The following CCDC91 variants were observed in gnomAD, a reference collection of about 807,000 sequenced individuals.
CCDC91 encodes the protein coiled-coil domain containing 91.
A neutral mutation model predicts 63.2 loss-of-function variants in CCDC91; 48 were observed. The ratio of observed to expected loss-of-function variants is 0.76; its 90% CI spans 0.60 to 0.97. CCDC91 has a LOEUF of 0.97. Among genes scored for constraint, CCDC91 ranks in the 50% least tolerant of loss-of-function variants. The pLI, the probability that CCDC91 is intolerant of heterozygous loss-of-function variation, is 0.00. For missense variants in CCDC91, 500 were observed against 494.6 expected (o/e 1.01, Z -0.10); for synonymous variants, 167 against 165.8 (o/e 1.01, Z -0.06).
Position 28,306,747 on chromosome 12 carries a change from G to T in CCDC91, c.273G>T (p.Gln91His), listed in dbSNP as rs1157566270. The T allele has an allele frequency of 6.2e-7, 1 of 1,600,216 alleles. No homozygotes were observed. Among genetic ancestry groups the T allele is most frequent in the African/African-American group, 1.3e-5 (1 of 74,146 alleles). Residue 91 changes from glutamine to histidine, a missense_variant, in exon 5 of 13, where the codon CAG becomes CAT. Physicochemically the swap from Gln to His is conservative, Grantham distance 24. Transcript: ENST00000536442. ...TTTTTTTTTATGTGGTTTAGATTCA[G>T]CAATCAACACACACTCATCTGGATA... ...VSQTIPKAQI[Q>H]QSTHTHLDIS...
intron 6 of CCDC91, among the ~76,000 whole-genome samples, chr12:28,347,308 A>G (rs1238919139): frequency 1.3e-5 from 2 of 152,198 alleles, no homozygotes; most frequent in African/African-American, 4.8e-5. Context: ...GAGACTCTTT[A>G]GAGTTGTTAA....
chr12:28,317,595 T>C (rs890746999), intron 6 of CCDC91, among the ~76,000 whole-genome samples: 2 of 152,006 alleles, frequency 1.3e-5, no homozygotes, highest in Non-Finnish European at 2.9e-5. Flanking sequence ...TTTTATTGTT[T>C]ATTTTCACCT....
chr12:28,273,320 A>T (rs1197060556), intron 3 of CCDC91, among the ~76,000 whole-genome samples: 1 of 152,188 alleles, frequency 6.6e-6, no homozygotes, highest in Non-Finnish European at 1.5e-5. Context: ...ATGTCTTTAT[A>T]GCAGCATGAT....
chr12:28,541,904 A>T (rs1942654806), intron 12 of CCDC91, among the ~76,000 whole-genome samples: 1 of 152,126 alleles, frequency 6.6e-6, no homozygotes, highest in African/African-American at 2.4e-5. Flanking sequence ...TAATATGTAA[A>T]TATAGCCTTA....
At chr12:28,338,858 T>C (rs1942203973) in intron 6 of CCDC91, among the ~76,000 whole-genome samples, 4 of 152,122 alleles carry the variant, frequency 2.6e-5, no homozygotes, top group African/African-American at 9.7e-5. Context: ...TTCTTTTTTT[T>C]GAGACGGACT....
At chr12:28,525,738 C>A (rs1254052436) in intron 12 of CCDC91, among the ~76,000 whole-genome samples, 1 of 152,038 alleles carries the variant, frequency 6.6e-6, no homozygotes, top group African/African-American at 2.4e-5. Flanking sequence ...CTGTCTATCT[C>A]ATTTCTTAGG....
chr12:28,258,311 TATC>T (rs10595541), intron 2 of CCDC91, among the ~76,000 whole-genome samples: 62,700 of 151,520 alleles, frequency 0.41, 13,226 homozygotes, highest in Middle Eastern at 0.48. Context: ...ATGTTTCAGA[TATC>T]ATCTGGCTTA....
intron 8 of CCDC91, among the ~76,000 whole-genome samples, chr12:28,401,414 C>T (rs1486890034): frequency 1.3e-5 from 2 of 152,122 alleles, no homozygotes; most frequent in African/African-American, 4.8e-5. Flanking sequence ...TAAATTACCT[C>T]CCATAAGGTA....
rs77110143 is a variant in CCDC91, at chr12:28,541,517, A to G, written c.1216-7546A>G. 9.5e-3 allele frequency among the ~76,000 whole-genome samples: 1,446 copies of G among 152,230 alleles called. 30 individuals are homozygous for G. The highest frequency in any genetic ancestry group is 0.034 in the African/African-American group (1,406 of 41,556). ...AGGAAGGATACATAGTAATTGACAG[A>G]TATTGTTCTTTAGATTGAAACAATA... On this transcript the variant is annotated intron_variant, in intron 12 of 12. Coordinates refer to ENST00000536442, the MANE Select transcript of CCDC91 (RefSeq NM_018318.5).
chr12:28,466,867 GA>G (rs1950574480), intron 11 of CCDC91, among the ~76,000 whole-genome samples: 1 of 151,996 alleles, frequency 6.6e-6, no homozygotes, highest in Non-Finnish European at 1.5e-5. Flanking sequence ...TAAGGAGAAA[GA>G]ATAAACAATG....
intron 11 of CCDC91, among the ~76,000 whole-genome samples, chr12:28,460,782 T>C (rs1950266215): frequency 6.7e-6 from 1 of 148,888 alleles, no homozygotes; most frequent in Non-Finnish European, 1.5e-5. Context: ...TATATAGATA[T>C]AAATATATCT....
intron 6 of CCDC91, among the ~76,000 whole-genome samples, chr12:28,335,534 A>G (rs1941908509): frequency 6.6e-6 from 1 of 150,402 alleles, no homozygotes. Flanking sequence ...CAGTCTCTTG[A>G]GTGGGTGGGG....
chr12:28,508,672 G>A (rs540881942), intron 12 of CCDC91, among the ~76,000 whole-genome samples: 3 of 151,976 alleles, frequency 2.0e-5, no homozygotes, highest in Non-Finnish European at 4.4e-5. Context: ...AGCTAAAAGT[G>A]TAATGAAACT....
intron 12 of CCDC91, among the ~76,000 whole-genome samples, chr12:28,519,211 C>G (rs576112747): frequency 2.0e-4 from 31 of 152,064 alleles, no homozygotes; most frequent in South Asian, 1.7e-3. Flanking sequence ...TTTGTGTAGT[C>G]TATGATTTCT....
intron 7 of CCDC91, among the ~76,000 whole-genome samples, chr12:28,374,116 T>G (rs1944796913): frequency 6.6e-6 from 1 of 152,140 alleles, no homozygotes; most frequent in Admixed American, 6.6e-5. Flanking sequence ...GAGTAGAGGT[T>G]CCCCCTGCTA....
At chr12:28,320,912 G>A (rs1245066089) in intron 6 of CCDC91, among the ~76,000 whole-genome samples, 1 of 151,968 alleles carries the variant, frequency 6.6e-6, no homozygotes, top group South Asian at 2.1e-4. Context: ...ATATTGGTAA[G>A]AGTTGAAGAG....
intron 6 of CCDC91, among the ~76,000 whole-genome samples, chr12:28,328,887 G>A (rs1481226831): frequency 6.6e-6 from 1 of 151,778 alleles, no homozygotes; most frequent in Non-Finnish European, 1.5e-5. Flanking sequence ...ATTGAATATA[G>A]ATGCTTAAAA....
chr12:28,409,866 T>A (rs1033708628), intron 8 of CCDC91, among the ~76,000 whole-genome samples: 2 of 152,140 alleles, frequency 1.3e-5, no homozygotes, highest in African/African-American at 4.8e-5. Flanking sequence ...TTCTTTTTTT[T>A]ATATTTCTAA....
chr12:28,209,484 G>C (rs531936089), intron 1 of CCDC91, among the ~76,000 whole-genome samples: 2 of 151,676 alleles, frequency 1.3e-5, no homozygotes, highest in East Asian at 3.9e-4. Context: ...TCACTCTTTC[G>C]CCCGTGGTGT....
Sources: allele counts gnomAD v4.1 joint callset (sites outside exome capture counted in the v4.1 genomes callset), GRCh38; gene constraint gnomAD v4.1.1; transcripts MANE v1.5; gene names NCBI Gene and HGNC (gene_info 2026-07-23, HGNC 2026-07-21).